The following KSR2 variants were observed in gnomAD, a reference collection of about 807,000 sequenced individuals.
KSR2 encodes the protein kinase suppressor of ras 2.
In KSR2, 25 loss-of-function variants were observed where a neutral mutation model predicts 107.8. The observed-to-expected ratio is 0.23, with a 90% CI of 0.17 to 0.32. KSR2 has a LOEUF of 0.32. Ranked by LOEUF, KSR2 falls within the 10% of genes least tolerant of loss-of-function variation. The pLI, the probability that KSR2 is intolerant of heterozygous loss-of-function variation, is 1.00. For missense variants in KSR2, 887 were observed against 1,268.9 expected (o/e 0.70, Z 4.57); for synonymous variants, 480 against 507.0 (o/e 0.95, Z 0.71).
chr12:117,682,978 C>G (rs552040689), intron 4 of KSR2, among the ~76,000 whole-genome samples: 1 of 152,022 alleles, frequency 6.6e-6, no homozygotes, highest in South Asian at 2.1e-4. Context: ...GAGTCAGATG[C>G]CTCCTAAGTT....
At chr12:117,895,346 C>T (rs550213331) in intron 1 of KSR2, among the ~76,000 whole-genome samples, 3 of 152,282 alleles carry the variant, frequency 2.0e-5, no homozygotes, top group Admixed American at 6.5e-5. Flanking sequence ...TGGGTAGAAG[C>T]TTACCAAATA....
chr12:117,523,697 G>A (rs1432283672), intron 14 of KSR2, among the ~76,000 whole-genome samples: 1 of 152,210 alleles, frequency 6.6e-6, no homozygotes, highest in Non-Finnish European at 1.5e-5. Context: ...ACACTTATCA[G>A]AATCTTGGCT....
chr12:117,484,852 TCAAC>T (rs1872370822), intron 15 of KSR2, among the ~76,000 whole-genome samples: 1 of 152,164 alleles, frequency 6.6e-6, no homozygotes. Context: ...GGAAAGGAAT[TCAAC>T]CAACCATTTT....
intron 19 of KSR2, among the ~76,000 whole-genome samples, chr12:117,467,424 A>G (rs764287329): frequency 6.6e-6 from 1 of 152,252 alleles, no homozygotes; most frequent in Non-Finnish European, 1.5e-5. Context: ...ATGAGCCTGC[A>G]ATATAGGCTA....
At chr12:117,697,228 T>C (rs1416692176) in intron 4 of KSR2, among the ~76,000 whole-genome samples, 3 of 152,212 alleles carry the variant, frequency 2.0e-5, no homozygotes, top group Admixed American at 2.0e-4. Flanking sequence ...TTGCAAGTTT[T>C]ATTGTTAAAG....
At chr12:117,706,544 C>G (rs942963716) in intron 4 of KSR2, among the ~76,000 whole-genome samples, 2 of 151,962 alleles carry the variant, frequency 1.3e-5, no homozygotes, top group African/African-American at 4.8e-5. Context: ...GTAGCTCAGT[C>G]ACAAATGTAG....
At chr12:117,527,713 T>C (rs1875305758) in intron 12 of KSR2, among the ~76,000 whole-genome samples, 1 of 152,178 alleles carries the variant, frequency 6.6e-6, no homozygotes, top group South Asian at 2.1e-4. Context: ...TTCAGGAATA[T>C]TGTGTTCCTA....
intron 1 of KSR2, among the ~76,000 whole-genome samples, chr12:117,912,500 T>C (rs1460892477): frequency 6.6e-6 from 1 of 152,218 alleles, no homozygotes; most frequent in East Asian, 1.9e-4. Flanking sequence ...ACCGTAATTC[T>C]GTTTGTCCAC....
At chr12:117,722,348 T>C (rs1452401614) in intron 4 of KSR2, among the ~76,000 whole-genome samples, 1 of 152,060 alleles carries the variant, frequency 6.6e-6, no homozygotes, top group East Asian at 1.9e-4. Flanking sequence ...AGGAGCTGGG[T>C]AAAATGAGGC....
intron 3 of KSR2, among the ~76,000 whole-genome samples, chr12:117,761,875 A>C (rs1012482950): frequency 4.6e-5 from 7 of 152,222 alleles, no homozygotes; most frequent in Non-Finnish European, 1.0e-4. Flanking sequence ...CACCATATGC[A>C]TGTCACATTA....
At chr12:117,634,342 A>G (rs925546647) in intron 5 of KSR2, among the ~76,000 whole-genome samples, 1 of 152,172 alleles carries the variant, frequency 6.6e-6, no homozygotes, top group African/African-American at 2.4e-5. Flanking sequence ...CAAAATATGC[A>G]AGACGGAACT....
At position 117,690,851 on chromosome 12, in the gene KSR2, A is replaced by T. The variant is rs150798676; in HGVS notation, c.987-23193T>A. ...CTGTGGTACTTCAGTGGCTGAGAAA[A>T]CCTTTTGCTCTGTATCCAGAGACCT... On this transcript the variant is annotated intron_variant, in intron 4 of 19. Coordinates refer to ENST00000339824, the MANE Select transcript of KSR2 (RefSeq NM_173598.6). Among the ~76,000 whole-genome samples the T allele has an allele frequency of 4.1e-4, 62 of 152,310 alleles. No homozygotes were observed. In the East Asian group the frequency reaches 9.9e-3, roughly 24 times the overall value.
intron 3 of KSR2, among the ~76,000 whole-genome samples, chr12:117,820,709 A>G (rs1295505887): frequency 6.6e-6 from 1 of 152,060 alleles, no homozygotes; most frequent in Non-Finnish European, 1.5e-5. Flanking sequence ...TCATCAACTT[A>G]CAATGACCTC....
At chr12:117,645,362 T>C (rs73411148) in intron 5 of KSR2, among the ~76,000 whole-genome samples, 7,164 of 152,278 alleles carry the variant, frequency 0.047, 315 homozygotes, top group East Asian at 0.15. Flanking sequence ...GTGGTGGTTC[T>C]CTGTTACTTA....
chr12:117,491,078 C>T (rs1396318846), intron 14 of KSR2, among the ~76,000 whole-genome samples: 2 of 152,168 alleles, frequency 1.3e-5, no homozygotes, highest in Non-Finnish European at 2.9e-5. Context: ...TCTCTCCACT[C>T]CCCATACTCC....
chr12:117,475,222 C>T (rs2137121679), intron 17 of KSR2, among the ~76,000 whole-genome samples: 1 of 152,206 alleles, frequency 6.6e-6, no homozygotes, highest in East Asian at 1.9e-4. Context: ...AGTTTAATAA[C>T]CATCAATGGC....
chr12:117,476,679 G>A, intron 16 of KSR2, 84 bp from the exon 17 acceptor site: 1 of 1,396,590 alleles, frequency 7.2e-7, no homozygotes, highest in Non-Finnish European at 9.6e-7. Context: ...CGTCCCTGGA[G>A]CCATCTCTGC....
intron 1 of KSR2, among the ~76,000 whole-genome samples, chr12:117,889,186 C>T (rs1894266098): frequency 6.6e-6 from 1 of 152,118 alleles, no homozygotes. Context: ...GCTCAGATGC[C>T]TCTCCCAACT....
At chr12:117,593,640 G>A (rs1379490403) in intron 5 of KSR2, among the ~76,000 whole-genome samples, 7 of 152,228 alleles carry the variant, frequency 4.6e-5, no homozygotes, top group Admixed American at 4.6e-4. Context: ...TTCCCTCTGT[G>A]CATCTCCTCC....
Sources: allele counts gnomAD v4.1 joint callset (sites outside exome capture counted in the v4.1 genomes callset), GRCh38; gene constraint gnomAD v4.1.1; transcripts MANE v1.5; gene names NCBI Gene and HGNC (gene_info 2026-07-23, HGNC 2026-07-21).